ESCO2: variants seen among roughly 807,000 people sequenced by gnomAD.
ESCO2 encodes the protein establishment of sister chromatid cohesion N-acetyltransferase 2.
ESCO2 carries 51 observed loss-of-function variants against 61.7 expected under a neutral mutation model. The ratio of observed to expected loss-of-function variants is 0.83; its 90% CI spans 0.66 to 1.04. ESCO2 has a LOEUF of 1.04. Among genes scored for constraint, ESCO2 ranks in the 50% least tolerant of loss-of-function variants. ESCO2 has a pLI of 0.00. For missense variants in ESCO2, 692 were observed against 686.2 expected, an observed-to-expected ratio of 1.01 and a Z score of -0.09; for synonymous variants, 230 against 238.2, an observed-to-expected ratio of 0.97 and a Z score of 0.32.
At chr8:27,786,230 GAC>G (rs1805038486) in intron 5 of ESCO2, among the ~76,000 whole-genome samples, 1 of 152,216 alleles carries the variant, frequency 6.6e-6, no homozygotes, top group Non-Finnish European at 1.5e-5. Flanking sequence ...TGAAGACAAA[GAC>G]AAAAGGATCT....
At chr8:27,791,095 A>G (rs1475980942) in intron 7 of ESCO2, among the ~76,000 whole-genome samples, 1 of 152,228 alleles carries the variant, frequency 6.6e-6, no homozygotes. Flanking sequence ...TCTAGAGAAA[A>G]AAAATCTTAG....
chr8:27,808,938 G>A (rs932860894), downstream of ESCO2, among the ~76,000 whole-genome samples: 1 of 152,120 alleles, frequency 6.6e-6, no homozygotes, highest in African/African-American at 2.4e-5. Flanking sequence ...TGAATTTGCT[G>A]GTCTTGTCCT....
intron 7 of ESCO2, among the ~76,000 whole-genome samples, chr8:27,789,398 G>A (rs1466190654): frequency 1.3e-5 from 2 of 152,000 alleles, no homozygotes; most frequent in African/African-American, 4.8e-5. Flanking sequence ...TTATTGCCAC[G>A]GTTAATGCCT....
chr8:27,810,346 A>G, downstream of ESCO2: 1 of 1,613,300 alleles, frequency 6.2e-7, no homozygotes, highest in South Asian at 1.1e-5. Context: ...TGTGCAGCAG[A>G]AGGACGATCT....
chr8:27,772,641 C>G, upstream of ESCO2: 1 of 1,150,764 alleles, frequency 8.7e-7, no homozygotes, highest in South Asian at 1.4e-5. Flanking sequence ...CCCCGGAACT[C>G]CTCCGTGCAC....
In ESCO2 at chr8:27,787,979, A is replaced by G; in HGVS notation, c.1108A>G (p.Lys370Glu). ...TACTAATACCAGAGATACAAGTAAA[A>G]AAACAAAAGACCAGCTCATCATCGT... ...KNTNTRDTSK[K>E]TKDQLIIDAG... Residue 370 changes from lysine (K) to glutamate (E), a missense_variant, in exon 6 of 11, where the codon AAA becomes GAA. Coordinates refer to ENST00000305188, the MANE Select transcript of ESCO2 (RefSeq NM_001017420.3). 1 of 1,612,820 alleles carries G rather than the reference A, an allele frequency of 6.2e-7. No homozygotes were observed. The highest frequency in any genetic ancestry group is 2.2e-5 in the East Asian group (1 of 44,816).
chr8:27,797,738 A>G (rs1805332301), intron 9 of ESCO2, among the ~76,000 whole-genome samples: 2 of 152,170 alleles, frequency 1.3e-5, no homozygotes, highest in African/African-American at 4.8e-5. Context: ...TATGGTCATG[A>G]GGCTTACATA....
chr8:27,803,347 T>C lies in ESCO2; in HGVS notation c.1715T>C (p.Ile572Thr), dbSNP rs755538272. Residue 572 changes from isoleucine to threonine, a missense_variant, in exon 11 of 11, where the codon ATA (isoleucine) becomes ACA (threonine). Ile to Thr is a moderately conservative substitution (Grantham distance 89). Coordinates refer to ENST00000305188, the MANE Select transcript of ESCO2 (RefSeq NM_001017420.3). ...GGCTGTTTTCTCAGCACTGATGAAATAGCATTTTCTGACCCAACACCAGAT... is the reference window on the plus strand; with the variant it reads ...GGCTGTTTTCTCAGCACTGATGAAACAGCATTTTCTGACCCAACACCAGAT... ...MFGCFLSTDEIAFSDPTPDGK... is the reference protein window; with the variant it reads ...MFGCFLSTDETAFSDPTPDGK... 6.2e-7 allele frequency: 1 copy of C among 1,614,058 alleles called. No individual in the cohort carries two copies. The highest frequency in any genetic ancestry group is 8.5e-7 in the Non-Finnish European group (1 of 1,179,994).
intron 10 of ESCO2, among the ~76,000 whole-genome samples, chr8:27,802,656 T>TGTATA: frequency 1.6e-5 from 1 of 63,570 alleles, no homozygotes; most frequent in Non-Finnish European, 2.8e-5. Flanking sequence ...TATATATATA[T>TGTATA]TATATATATA....
Position 27,777,074 on chromosome 8 carries a change from G to A in ESCO2, c.766G>A (p.Ala256Thr). 2 of 1,605,166 alleles carry A rather than the reference G, an allele frequency of 1.2e-6. No homozygotes were observed. The highest frequency in any genetic ancestry group is 2.3e-5 in the South Asian group (2 of 88,236). ...GACTGTCAGTGAAAAAAAAACTTTT[G>A]CGACAAGGCAAGTGCCAAAGTGCTT... ...VETVSEKKTF[A>T]TRQVPKCLVL... The change falls in exon 3 of 11, where the codon GCG becomes ACG. Residue 256 changes from alanine (A) to threonine (T), a missense_variant. Coordinates refer to ENST00000305188, the MANE Select transcript of ESCO2 (RefSeq NM_001017420.3).
downstream of ESCO2, chr8:27,811,032 A>G: frequency 6.2e-7 from 1 of 1,613,180 alleles, no homozygotes; most frequent in Non-Finnish European, 8.5e-7. Context: ...AGTAAGGCCA[A>G]AGGCAAATAT....
intron 9 of ESCO2, among the ~76,000 whole-genome samples, chr8:27,795,752 T>A (rs1228060989): frequency 6.6e-6 from 1 of 152,208 alleles, no homozygotes; most frequent in Non-Finnish European, 1.5e-5. Flanking sequence ...ATTGAGATGA[T>A]CATATAGTTT....
At chr8:27,802,169 G>T (rs1805445137) in intron 10 of ESCO2, among the ~76,000 whole-genome samples, 1 of 150,524 alleles carries the variant, frequency 6.6e-6, no homozygotes, top group Non-Finnish European at 1.5e-5. Context: ...CAAACAAGCT[G>T]TAGGAGATGT....
downstream of ESCO2, chr8:27,810,303 C>T: frequency 1.2e-6 from 2 of 1,600,436 alleles, no homozygotes; most frequent in Non-Finnish European, 1.7e-6. Context: ...CTGAGATGAT[C>T]ACTAGACATC....
At chr8:27,811,467 T>C, downstream of ESCO2, 1 of 436,902 alleles carries the variant, frequency 2.3e-6, no homozygotes, top group Non-Finnish European at 4.2e-6. Context: ...GCAAGCTGCG[T>C]GACCTTGAGC....
rs1805505340 is a variant in ESCO2, at chr8:27,803,690, G to A, written c.*252G>A. ...TGATTCCCTGATTAGCACTCTGAATGTTTAATTATGAAACTTTGTAGCTAT... is the reference window on the plus strand; with the variant it reads ...TGATTCCCTGATTAGCACTCTGAATATTTAATTATGAAACTTTGTAGCTAT... On this transcript the variant is annotated 3_prime_UTR_variant, in exon 11 of 11. Transcript: ENST00000305188. 1 of 1,252,472 alleles carries A rather than the reference G, an allele frequency of 8.0e-7. No individual in the cohort carries two copies. Among genetic ancestry groups the A allele is most frequent in the East Asian group, 3.9e-5 (1 of 25,342 alleles). 77.6% of individuals were successfully genotyped at this position (1,252,472 alleles called of 1,614,324 possible).
chr8:27,813,797 A>G (rs2033736656), downstream of ESCO2, among the ~76,000 whole-genome samples: 1 of 152,230 alleles, frequency 6.6e-6, no homozygotes, highest in African/African-American at 2.4e-5. Context: ...TTCCTGGAAT[A>G]AGTCCTAGTT....
chr8:27,810,452 C>G (rs2294092), downstream of ESCO2: 694,563 of 1,605,480 alleles, frequency 0.43, 152,074 homozygotes, highest in Middle Eastern at 0.55. Flanking sequence ...TAGTTCCCAA[C>G]GCTGCATAGT....
upstream of ESCO2, among the ~76,000 whole-genome samples, chr8:27,773,137 C>G (rs117788167): frequency 1.4e-3 from 211 of 152,244 alleles, 3 homozygotes; most frequent in East Asian, 0.028. Flanking sequence ...ATGTGAGTCC[C>G]TTTAAATTAC....
Sources: allele counts gnomAD v4.1 joint callset (sites outside exome capture counted in the v4.1 genomes callset), GRCh38; gene constraint gnomAD v4.1.1; transcripts MANE v1.5; gene names NCBI Gene and HGNC (gene_info 2026-07-23, HGNC 2026-07-21).